The following CDKN1B variants were observed in gnomAD, a reference collection of about 807,000 sequenced individuals.
CDKN1B encodes cyclin-dependent kinase inhibitor 1B.
A neutral mutation model predicts 17.1 loss-of-function variants in CDKN1B; 7 were observed. That is an observed-to-expected ratio of 0.41 (90% CI 0.23 to 0.77). CDKN1B has a LOEUF of 0.77. CDKN1B is among the 30% of genes least tolerant of loss of function. The pLI, the probability that CDKN1B is intolerant of heterozygous loss-of-function variation, is 0.33. For missense variants in CDKN1B, 337 were observed against 262.0 expected (o/e 1.29, Z -1.98); for synonymous variants, 149 against 104.3 (o/e 1.43, Z -2.61).
In CDKN1B at chr12:12,722,293, A is replaced by T. The variant is rs1228858573; in HGVS notation, c.*1266A>T. ...AAAGGTTGCATACTGAGCCAAGTAT[A>T]ATTTTTTGTAATGTGTGAAAAAGAT... On this transcript the variant is annotated 3_prime_UTR_variant, in exon 3 of 3. Coordinates refer to ENST00000228872, the MANE Select transcript of CDKN1B (RefSeq NM_004064.5). 1 of 152,676 alleles carries T rather than the reference A, an allele frequency of 6.5e-6. No individual in the cohort carries two copies. The highest frequency in any genetic ancestry group is 2.4e-5 in the African/African-American group (1 of 41,456). 9.5% of individuals were successfully genotyped at this position (152,676 alleles called of 1,614,324 possible). A position where few individuals can be genotyped will look rare whatever the true frequency, so the allele number is the denominator to read the frequency against.
rs747272462 is a variant in CDKN1B, at chr12:12,718,256, C to T, written c.417C>T (p.Asp139=). The T allele has an allele frequency of 1.2e-5, 19 of 1,610,468 alleles. No individual in the cohort carries two copies. The African/African-American group carries it at 1.7e-4, about 15-fold the overall frequency. The change falls in exon 1 of 3, where the codon GAC becomes GAT. Residue 139 remains aspartate, a synonymous_variant. Coordinates refer to ENST00000228872, the MANE Select transcript of CDKN1B (RefSeq NM_004064.5). ...HLVDPKTDPS[D]SQTGLAEQCA... is the part of the protein sequence containing the mutation. ...TGGACCCAAAGACTGATCCGTCGGA[C>T]AGCCAGACGGGGTTAGCGGAGCAAT...
At position 12,718,340 on chromosome 12, in the gene CDKN1B, A is replaced by G. The variant is rs1052112512; in HGVS notation, c.475+26A>G. The G allele has an allele frequency of 3.0e-5, 48 of 1,588,590 alleles. No homozygotes were observed. The Admixed American group carries it at 8.1e-4, about 27-fold the overall frequency. Reference sequence around the variant, plus strand: ...GTAATGACCCTTTCCCAACCATAGAATGTGTTTGGGGCCCCGCTTTGCCTG... The same window carrying G: ...GTAATGACCCTTTCCCAACCATAGAGTGTGTTTGGGGCCCCGCTTTGCCTG... On this transcript the variant is annotated intron_variant, in intron 1 of 2. Transcript: ENST00000228872.
In CDKN1B at chr12:12,718,206, G is replaced by T. The variant is rs1946496773; in HGVS notation, c.367G>T (p.Ala123Ser). ...RPAAPLIGAP[A>S]NSEDTHLVDP... ...GGCGGCGCCTTTAATTGGGGCTCCG[G>T]CTAACTCTGAGGACACGCATTTGGT... Residue 123 changes from alanine (A) to serine (S), a missense_variant, in exon 1 of 3, where the codon GCT becomes TCT. Coordinates refer to ENST00000228872, the MANE Select transcript of CDKN1B (RefSeq NM_004064.5). The T allele has an allele frequency of 4.3e-6, 7 of 1,613,038 alleles. No individual in the cohort carries two copies. Among genetic ancestry groups the T allele is most frequent in the Non-Finnish European group, 5.9e-6 (7 of 1,179,930 alleles).
chr12:12,719,296 C>G (rs1946518844), intron 2 of CDKN1B: 1 of 237,770 alleles, frequency 4.2e-6, no homozygotes, highest in African/African-American at 2.3e-5. Flanking sequence ...TCCCTCAGTC[C>G]GAATTAATGA....
intron 2 of CDKN1B, 116 bp downstream of exon 2, chr12:12,719,070 C>T: frequency 7.4e-7 from 1 of 1,344,410 alleles, no homozygotes; most frequent in African/African-American, 1.4e-5. Flanking sequence ...TTTGTTTATA[C>T]TTCGTGAGGT....
chr12:12,717,633 A>G lies in CDKN1B; in HGVS notation c.-207A>G. On this transcript the variant is annotated 5_prime_UTR_variant, in exon 1 of 3. Transcript: ENST00000228872. ...GCTCGCCAGTCCATTTGATCAGCGG[A>G]GACTCGGCGGCCGGGCCGGGGCTTC... 1.4e-6 allele frequency: 2 copies of G among 1,463,724 alleles called. No individual in the cohort carries two copies. Among genetic ancestry groups the G allele is most frequent in the Non-Finnish European group, 1.8e-6 (2 of 1,115,984 alleles). The allele number at this position is 1,463,724 out of a possible 1,614,324, so 90.7% of individuals were successfully genotyped here.
rs1592280811 is a variant in CDKN1B at position 12,717,963 on chromosome 12, A to G, written c.124A>G (p.Thr42Ala). The change falls in exon 1 of 3, where the codon ACC becomes GCC. Residue 42 changes from threonine to alanine, a missense_variant. Physicochemically the swap from Thr to Ala is moderately conservative, Grantham distance 58. Coordinates refer to ENST00000228872, the MANE Select transcript of CDKN1B (RefSeq NM_004064.5). Reference sequence around the variant, plus strand: ...CGGCCCGGTGGACCACGAAGAGTTAACCCGGGACTTGGAGAAGCACTGCAG... The same window carrying G: ...CGGCCCGGTGGACCACGAAGAGTTAGCCCGGGACTTGGAGAAGCACTGCAG... ...LFGPVDHEEL[T>A]RDLEKHCRDM... is the part of the protein sequence containing the mutation. 6.8e-6 allele frequency: 11 copies of G among 1,614,158 alleles called. No homozygotes were observed. The highest frequency in any genetic ancestry group is 8.5e-6 in the Non-Finnish European group (10 of 1,180,020).
chr12:12,718,887 A>G lies in CDKN1B; in HGVS notation c.538A>G (p.Asn180Asp). Residue 180 changes from asparagine (N) to aspartate (D), a missense_variant, in exon 2 of 3, where the codon AAT becomes GAT. Physicochemically the swap from Asn to Asp is conservative, Grantham distance 23. Transcript: ENST00000228872. ...AGAAAATGTTTCAGACGGTTCCCCA[A>G]ATGCCGGTTCTGTGGAGCAGACGCC... ...TEENVSDGSP[N>D]AGSVEQTPKK... 2.5e-6 allele frequency: 4 copies of G among 1,614,180 alleles called. No homozygotes were observed. Among genetic ancestry groups the G allele is most frequent in the Non-Finnish European group, 3.4e-6 (4 of 1,180,040 alleles).
chr12:12,720,906 A>G (rs758437103), intron 2 of CDKN1B, 130 bp from the exon 3 acceptor site: 39 of 548,192 alleles, frequency 7.1e-5, no homozygotes, highest in Non-Finnish European at 1.2e-4. Context: ...GGAGATGACT[A>G]TAGTCATCAA....
rs1365330019 is a variant in CDKN1B at position 12,718,973 on chromosome 12, G to A, written c.*8+19G>A. The A allele has an allele frequency of 1.9e-6, 3 of 1,612,948 alleles. No individual in the cohort carries two copies. The highest frequency in any genetic ancestry group is 2.2e-5 in the South Asian group (2 of 91,024). ...CAGCTCGGTGGGTTGATCACTAAAG[G>A]AGCACGCACTGGAACCCGGGGCCTT... is the stretch of plus-strand genomic sequence containing the variant. On this transcript the variant is annotated intron_variant, in intron 2 of 2. Coordinates refer to ENST00000228872, the MANE Select transcript of CDKN1B (RefSeq NM_004064.5).
Position 12,718,065 on chromosome 12 carries a change from T to C in CDKN1B, c.226T>C (p.Trp76Arg), listed in dbSNP as rs2136355838. 1 of 1,614,104 alleles carries C rather than the reference T, an allele frequency of 6.2e-7. No homozygotes were observed. The highest frequency in any genetic ancestry group is 8.5e-7 in the Non-Finnish European group (1 of 1,180,014). ...NHKPLEGKYE[W>R]QEVEKGSLPE... Reference sequence around the variant, plus strand: ...CAAACCCCTAGAGGGCAAGTACGAGTGGCAAGAGGTGGAGAAGGGCAGCTT... The same window carrying C: ...CAAACCCCTAGAGGGCAAGTACGAGCGGCAAGAGGTGGAGAAGGGCAGCTT... The change falls in exon 1 of 3, where the codon TGG becomes CGG. Residue 76 changes from tryptophan (W) to arginine (R), a missense_variant. By Grantham distance (101) the Trp-to-Arg change is moderately radical. Coordinates refer to ENST00000228872, the MANE Select transcript of CDKN1B (RefSeq NM_004064.5).
At position 12,721,223 on chromosome 12, in the gene CDKN1B, G is replaced by A. The variant is rs754500857; in HGVS notation, c.*196G>A. 13 of 726,738 alleles carry A rather than the reference G, an allele frequency of 1.8e-5. No individual in the cohort carries two copies. The highest frequency in any genetic ancestry group is 2.4e-4 in the Middle Eastern group (1 of 4,210). 45.0% of individuals were successfully genotyped at this position (726,738 alleles called of 1,614,324 possible). ...TCTTAAATGATCTGCCTCTAAAAGC[G>A]TTGGATGTAGCATTATGCAATTAGG... On this transcript the variant is annotated 3_prime_UTR_variant, in exon 3 of 3. Transcript: ENST00000228872.
chr12:12,717,721 C>T lies in CDKN1B; in HGVS notation c.-119C>T, dbSNP rs1036879162. On this transcript the variant is annotated 5_prime_UTR_variant, in exon 1 of 3. Coordinates refer to ENST00000228872, the MANE Select transcript of CDKN1B (RefSeq NM_004064.5). ...GCTCGTCGGGGTCTGTGTCTTTTGGCTCCGAGGGCAGTCGCTGGGCTTCCG... is the reference window on the plus strand; with the variant it reads ...GCTCGTCGGGGTCTGTGTCTTTTGGTTCCGAGGGCAGTCGCTGGGCTTCCG... The T allele has an allele frequency of 2.6e-6, 4 of 1,564,510 alleles. No homozygotes were observed. In the South Asian group the frequency reaches 3.4e-5, roughly 13 times the overall value.
At chr12:12,719,213 T>C (rs1946518187) in intron 2 of CDKN1B, 2 of 466,228 alleles carry the variant, frequency 4.3e-6, no homozygotes, top group Non-Finnish European at 7.8e-6. Flanking sequence ...AGGAAGGTCG[T>C]TTCCCTGTGA....
At chr12:12,720,918 C>G (rs1946535436) in intron 2 of CDKN1B, 118 bp from the exon 3 acceptor site, 1 of 545,412 alleles carries the variant, frequency 1.8e-6, no homozygotes, top group Admixed American at 3.5e-5. Flanking sequence ...AGTCATCAAA[C>G]TTTTTTCCCC....
In CDKN1B at chr12:12,718,321, A is replaced by G. The variant is rs746035786; in HGVS notation, c.475+7A>G. On this transcript the variant is annotated splice_region_variant and intron_variant, in intron 1 of 2. Coordinates refer to ENST00000228872, the MANE Select transcript of CDKN1B (RefSeq NM_004064.5). ...AAGCGACCTGCAACCGACGGTAATG[A>G]CCCTTTCCCAACCATAGAATGTGTT... is the stretch of plus-strand genomic sequence containing the variant. The G allele has an allele frequency of 6.3e-7, 1 of 1,599,022 alleles. No individual in the cohort carries two copies. Among genetic ancestry groups the G allele is most frequent in the East Asian group, 2.2e-5 (1 of 44,834 alleles).
rs531078654 is a variant in CDKN1B, at chr12:12,717,548, A to G, written c.-292A>G. On this transcript the variant is annotated 5_prime_UTR_variant, in exon 1 of 3. Coordinates refer to ENST00000228872, the MANE Select transcript of CDKN1B (RefSeq NM_004064.5). ...GACCCGCGGGCTTGCACCCGCCCAG[A>G]CTCGGACGGGCTTTGCCACCCTCTC... The G allele has an allele frequency of 8.6e-6, 12 of 1,402,084 alleles. No homozygotes were observed. The African/African-American group carries it at 1.6e-4, about 19-fold the overall frequency. The allele number at this position is 1,402,084 out of a possible 1,614,324, so 86.9% of individuals were successfully genotyped here. A position where few individuals can be genotyped will look rare whatever the true frequency, so the allele number is the denominator to read the frequency against.
rs1592281203 is a variant in CDKN1B at position 12,718,235 on chromosome 12, C to T, written c.396C>T (p.Asp132=). The part of the protein sequence containing the change: ...PANSEDTHLV[D]PKTDPSDSQT... ...ACTCTGAGGACACGCATTTGGTGGA[C>T]CCAAAGACTGATCCGTCGGACAGCC... Residue 132 remains aspartate, a synonymous_variant, in exon 1 of 3, where the codon GAC becomes GAT. Transcript: ENST00000228872. 2 of 1,612,252 alleles carry T rather than the reference C, an allele frequency of 1.2e-6. No homozygotes were observed. The highest frequency in any genetic ancestry group is 1.7e-6 in the Non-Finnish European group (2 of 1,179,998).
At position 12,721,902 on chromosome 12, in the gene CDKN1B, A is replaced by G. The variant is rs1471492265; in HGVS notation, c.*875A>G. ...CCCTCGATATTTTTAAAGATCTGTAAGTAACTTCACATTAAAAAATGAAAT... is the reference window on the plus strand; with the variant it reads ...CCCTCGATATTTTTAAAGATCTGTAGGTAACTTCACATTAAAAAATGAAAT... On this transcript the variant is annotated 3_prime_UTR_variant, in exon 3 of 3. Coordinates refer to ENST00000228872, the MANE Select transcript of CDKN1B (RefSeq NM_004064.5). The G allele has an allele frequency of 6.6e-6, 1 of 152,230 alleles. No homozygotes were observed. Among genetic ancestry groups the G allele is most frequent in the Non-Finnish European group, 1.5e-5 (1 of 68,032 alleles). 9.4% of individuals were successfully genotyped at this position (152,230 alleles called of 1,614,324 possible). A position where few individuals can be genotyped will look rare whatever the true frequency, so the allele number is the denominator to read the frequency against.
Sources: gnomAD v4.1 joint callset for allele counts on GRCh38, gnomAD v4.1.1 for gene constraint, MANE v1.5 for transcripts, NCBI Gene and HGNC (gene_info 2026-07-23, HGNC 2026-07-21) for gene names.